Variants in CNBD1 observed in about 807,000 individuals in gnomAD.
The protein encoded by CNBD1 is cyclic nucleotide binding domain containing 1, also known as cyclic nucleotide-binding domain-containing protein 1.
In CNBD1, 71 loss-of-function variants were observed where a neutral mutation model predicts 54.4. The ratio of observed to expected loss-of-function variants is 1.30; its 90% confidence interval spans 1.08 to 1.59. The LOEUF (loss-of-function observed/expected upper bound fraction) is 1.59, where lower values mean the gene tolerates loss of function less well. CNBD1 is among the 40% of genes most tolerant of loss of function. CNBD1 has a pLI of 0.00. For missense variants in CNBD1, 659 were observed against 518.0 expected, an observed-to-expected ratio of 1.27 and a Z score of -2.64; for synonymous variants, 182 against 170.7, an observed-to-expected ratio of 1.07 and a Z score of -0.51.
At chr8:87,419,091 T>G (rs1403868702) in intron 2 of CNBD1, among the ~76,000 whole-genome samples, 2 of 118,512 alleles carry the variant, frequency 1.7e-5, no homozygotes, top group Admixed American at 8.0e-5. Context: ...GGCATGTCCA[T>G]ATTATATGTA....
chr8:87,396,893 T>TC (rs1363776246), intron 2 of CNBD1, among the ~76,000 whole-genome samples: 1 of 148,494 alleles, frequency 6.7e-6, no homozygotes, highest in Non-Finnish European at 1.5e-5. Context: ...TTTGTTTTCT[T>TC]TTTTTTTTTT....
At chr8:87,097,686 G>A (rs1389062009) in intron 4 of CNBD1, among the ~76,000 whole-genome samples, 6 of 152,174 alleles carry the variant, frequency 3.9e-5, no homozygotes, top group African/African-American at 1.4e-4. Context: ...GATTTTTAAT[G>A]CAATGCGTGG....
At chr8:86,890,709 G>A (rs1808755844) in intron 2 of CNBD1, among the ~76,000 whole-genome samples, 1 of 151,998 alleles carries the variant, frequency 6.6e-6, no homozygotes, top group African/African-American at 2.4e-5. Flanking sequence ...CACTAACAAT[G>A]TACCTGTATG....
At chr8:87,340,586 T>C (rs1442433378) in intron 8 of CNBD1, among the ~76,000 whole-genome samples, 3 of 152,132 alleles carry the variant, frequency 2.0e-5, no homozygotes, top group Non-Finnish European at 4.4e-5. Flanking sequence ...TTCTTCACTC[T>C]TTTACTCTTT....
intron 2 of CNBD1, among the ~76,000 whole-genome samples, chr8:87,399,040 A>C (rs191443113): frequency 6.6e-6 from 1 of 152,060 alleles, no homozygotes; most frequent in African/African-American, 2.4e-5. Flanking sequence ...ACTCCTAGAG[A>C]TTAAAGATGC....
chr8:86,918,603 C>T (rs113859240), intron 3 of CNBD1, among the ~76,000 whole-genome samples: 13,493 of 151,632 alleles, frequency 0.089, 834 homozygotes, highest in African/African-American at 0.18. Flanking sequence ...GGGGTTTCCC[C>T]TTCTGCTTGG....
intron 8 of CNBD1, among the ~76,000 whole-genome samples, chr8:87,297,163 CAAAAA>C (rs555582073): frequency 2.3e-5 from 2 of 88,754 alleles, no homozygotes; most frequent in African/African-American, 9.5e-5. Flanking sequence ...GGGTCCGTCT[CAAAAA>C]AAAAAAAAAA....
chr8:87,004,556 C>T (rs1273544719), intron 4 of CNBD1, among the ~76,000 whole-genome samples: 2 of 151,398 alleles, frequency 1.3e-5, no homozygotes, highest in African/African-American at 4.9e-5. Flanking sequence ...AAAAAAAAAC[C>T]CTGTAATTTT....
rs376703920 is a variant in CNBD1 at position 87,327,624 on chromosome 8, G to A, written c.1043-24061G>A. On this transcript the variant is annotated intron_variant, in intron 8 of 10. Transcript: ENST00000518476. ...GAAAGGGAACTCCCTGACCCCTTGC[G>A]CTTCCCAGGTGAGGCAGTGCCTCGC... 1.5e-3 allele frequency among the ~76,000 whole-genome samples: 222 copies of A among 152,298 alleles called. 1 individual carries two copies. Among genetic ancestry groups the A allele is most frequent in the African/African-American group, 2.9e-3 (120 of 41,572 alleles).
chr8:87,334,370 T>C (rs957236262), intron 8 of CNBD1, among the ~76,000 whole-genome samples: 1 of 152,282 alleles, frequency 6.6e-6, no homozygotes, highest in East Asian at 1.9e-4. Context: ...TCTGTGTCTC[T>C]ATCTCCTTCA....
At position 87,227,500 on chromosome 8, in the gene CNBD1, A is replaced by C. The variant is rs1345440836; in HGVS notation, c.578-9419A>C. Among the ~76,000 whole-genome samples the C allele has an allele frequency of 1.6e-4, 22 of 138,534 alleles. No individual in the cohort carries two copies. In the Admixed American group the frequency reaches 1.6e-3, roughly 10 times the overall value. The allele number at this position is 138,534 out of a possible 152,430, so 90.9% of individuals were successfully genotyped here. A position where few individuals can be genotyped will look rare whatever the true frequency, so the allele number is the denominator to read the frequency against. Reference sequence around the variant, plus strand: ...TATTTTATTTCTCCTTCACTTATGAAGCTTAGTTTGGCTGGATATGAAATT... The same window carrying C: ...TATTTTATTTCTCCTTCACTTATGACGCTTAGTTTGGCTGGATATGAAATT... On this transcript the variant is annotated intron_variant, in intron 5 of 10. Coordinates refer to ENST00000518476, the MANE Select transcript of CNBD1 (RefSeq NM_173538.3).
rs575359570 is a variant in CNBD1 at position 87,362,363 on chromosome 8, T to A, written c.1303+8577T>A. 1.7e-3 allele frequency among the ~76,000 whole-genome samples: 261 copies of A among 152,236 alleles called. 1 individual carries two copies. Among genetic ancestry groups the A allele is most frequent in the African/African-American group, 5.8e-3 (243 of 41,566 alleles). ...GGTTTTTCAATACCAGATGTGTTTA[T>A]CCAAGTTCAGGAGGAAGTGTTAGCT... is the stretch of plus-strand genomic sequence containing the variant. On this transcript the variant is annotated intron_variant, in intron 10 of 10. Coordinates refer to ENST00000518476, the MANE Select transcript of CNBD1 (RefSeq NM_173538.3).
At chr8:86,997,034 A>G (rs956713703) in intron 4 of CNBD1, among the ~76,000 whole-genome samples, 1 of 152,200 alleles carries the variant, frequency 6.6e-6, no homozygotes, top group Non-Finnish European at 1.5e-5. Flanking sequence ...CCTACCTTCT[A>G]ATCCCATCAT....
intron 3 of CNBD1, among the ~76,000 whole-genome samples, chr8:86,928,621 T>C (rs924969630): frequency 1.3e-5 from 2 of 152,180 alleles, no homozygotes; most frequent in Non-Finnish European, 2.9e-5. Flanking sequence ...TTTGTGAAGG[T>C]ATCAACGCAG....
chr8:87,209,237 C>T (rs1814042204), intron 5 of CNBD1, among the ~76,000 whole-genome samples: 1 of 151,924 alleles, frequency 6.6e-6, no homozygotes, highest in African/African-American at 2.4e-5. Flanking sequence ...GACACTCTTC[C>T]AAAAATTGAA....
At chr8:87,027,393 T>A (rs1453379657) in intron 4 of CNBD1, among the ~76,000 whole-genome samples, 1 of 152,184 alleles carries the variant, frequency 6.6e-6, no homozygotes, top group East Asian at 1.9e-4. Context: ...TGCCTCAGCC[T>A]CCTGAGTAGC....
intron 8 of CNBD1, among the ~76,000 whole-genome samples, chr8:87,345,900 CTAAT>C (rs1415553333): frequency 6.6e-6 from 1 of 151,874 alleles, no homozygotes; most frequent in Non-Finnish European, 1.5e-5. Flanking sequence ...AAAGAGGTGA[CTAAT>C]TAATTTCTAA....
intron 4 of CNBD1, among the ~76,000 whole-genome samples, chr8:87,157,185 C>T (rs1812759503): frequency 6.6e-6 from 1 of 152,108 alleles, no homozygotes; most frequent in African/African-American, 2.4e-5. Context: ...GTTTACATAC[C>T]ACTTGATTTC....
chr8:87,070,515 A>C (rs988956295), intron 4 of CNBD1, among the ~76,000 whole-genome samples: 2 of 152,160 alleles, frequency 1.3e-5, no homozygotes, highest in African/African-American at 4.8e-5. Context: ...ACTTTTAAAA[A>C]AGACAAGTTC....
Sources: allele counts gnomAD v4.1 joint callset (sites outside exome capture counted in the v4.1 genomes callset), GRCh38; gene constraint gnomAD v4.1.1; transcripts MANE v1.5; gene names NCBI Gene and HGNC (gene_info 2026-07-23, HGNC 2026-07-21).